ERBB4: variants seen among roughly 807,000 people sequenced by gnomAD.
ERBB4 encodes receptor tyrosine-protein kinase erbB-4.
Under a neutral mutation model 158.0 loss-of-function variants are expected in ERBB4, and 42 were observed. The observed-to-expected ratio is 0.27, with a 90% CI of 0.21 to 0.34. ERBB4 has a LOEUF of 0.34. Among genes scored for constraint, ERBB4 ranks in the 10% least tolerant of loss-of-function variants. ERBB4 has a pLI of 1.00. For missense variants in ERBB4, 1,333 were observed against 1,624.1 expected (o/e 0.82, Z 3.08); for synonymous variants, 583 against 558.7 (o/e 1.04, Z -0.61).
intron 1 of ERBB4, among the ~76,000 whole-genome samples, chr2:212,227,949 A>C (rs2083529889): frequency 6.6e-6 from 1 of 152,202 alleles, no homozygotes; most frequent in African/African-American, 2.4e-5. Context: ...TCAGAGGCGG[A>C]GAGAACTCAT....
intron 7 of ERBB4, among the ~76,000 whole-genome samples, chr2:211,716,328 C>G (rs1460112075): frequency 3.3e-5 from 4 of 120,012 alleles, no homozygotes; most frequent in African/African-American, 1.4e-4. Flanking sequence ...TGCCATTGCA[C>G]TCCAGCCTGG....
intron 12 of ERBB4, among the ~76,000 whole-genome samples, chr2:211,691,914 T>C (rs2072837881): frequency 6.6e-6 from 1 of 152,018 alleles, no homozygotes; most frequent in South Asian, 2.1e-4. Flanking sequence ...TTTTAGGATT[T>C]TGTGTTTTGG....
At chr2:212,167,736 T>C (rs939714227) in intron 1 of ERBB4, among the ~76,000 whole-genome samples, 3 of 152,144 alleles carry the variant, frequency 2.0e-5, no homozygotes, top group Non-Finnish European at 2.9e-5. Context: ...GTGGTACATA[T>C]ACACCATGGA....
intron 20 of ERBB4, among the ~76,000 whole-genome samples, chr2:211,506,065 G>A (rs62178826): frequency 0.096 from 14,566 of 151,730 alleles, 836 homozygotes; most frequent in Middle Eastern, 0.16. Flanking sequence ...ACACCTAACA[G>A]ACTTAAAGTA....
At chr2:211,394,308 C>G (rs75251325) in intron 25 of ERBB4, among the ~76,000 whole-genome samples, 1 of 152,270 alleles carries the variant, frequency 6.6e-6, no homozygotes, top group African/African-American at 2.4e-5. Flanking sequence ...TGTCACCCTT[C>G]TTGAGATGAG....
intron 1 of ERBB4, among the ~76,000 whole-genome samples, chr2:212,246,685 T>C (rs548117994): frequency 6.6e-6 from 1 of 152,134 alleles, no homozygotes; most frequent in East Asian, 1.9e-4. Context: ...GAAAGTAATA[T>C]TCCAGCTCTG....
chr2:211,702,057 A>G lies in ERBB4; in HGVS notation c.1399T>C (p.Cys467Arg). ...GTCCAGTTAATGGTATGATAATAAC[A>G]CAGGTTGCTGTTGTCAGTAATATAG... ...NIYITDNSNLCYYHTINWTTL... is the reference protein window; with the variant it reads ...NIYITDNSNLRYYHTINWTTL... Residue 467 changes from cysteine (C) to arginine (R), a missense_variant, in exon 12 of 28, where the codon TGT (cysteine) becomes CGT (arginine). Physicochemically the swap from Cys to Arg is radical, Grantham distance 180 (BLOSUM62 -3). Transcript: ENST00000342788. 6.2e-7 allele frequency: 1 copy of G among 1,613,818 alleles called. No individual in the cohort carries two copies. The highest frequency in any genetic ancestry group is 8.5e-7 in the Non-Finnish European group (1 of 1,179,720).
intron 5 of ERBB4, among the ~76,000 whole-genome samples, chr2:211,727,658 T>C (rs1167496175): frequency 6.6e-6 from 1 of 152,072 alleles, no homozygotes; most frequent in Non-Finnish European, 1.5e-5. Context: ...GATTAGTTCA[T>C]GATTTCATAT....
At chr2:211,903,314 T>C (rs2079288990) in intron 3 of ERBB4, among the ~76,000 whole-genome samples, 1 of 152,108 alleles carries the variant, frequency 6.6e-6, no homozygotes, top group Non-Finnish European at 1.5e-5. Context: ...TTGAATGAAG[T>C]ATATTTTAAT....
chr2:212,003,118 AAG>A (rs1559292067), intron 2 of ERBB4, among the ~76,000 whole-genome samples: 10 of 15,644 alleles, frequency 6.4e-4, no homozygotes, highest in Non-Finnish European at 1.3e-3. Flanking sequence ...AGAAAGAAGG[AAG>A]GAAGGAAGGA....
chr2:211,949,532 A>G (rs1575423102), intron 2 of ERBB4, among the ~76,000 whole-genome samples: 1 of 152,294 alleles, frequency 6.6e-6, no homozygotes, highest in Middle Eastern at 3.4e-3. Context: ...ATTAAAGTTA[A>G]TATCAGTTGT....
rs539873904 is a variant in ERBB4 at position 211,487,086 on chromosome 2, T to C, written c.2488-55986A>G. Among the ~76,000 whole-genome samples the C allele has an allele frequency of 2.0e-5, 3 of 151,884 alleles. No individual in the cohort carries two copies. In the South Asian group the frequency reaches 6.2e-4, roughly 32 times the overall value. On this transcript the variant is annotated intron_variant, in intron 20 of 27. Coordinates refer to ENST00000342788, the MANE Select transcript of ERBB4 (RefSeq NM_005235.3). ...TATGTATACATGTGCCACGTTGGTG[T>C]GCTGCACCCATTAACTCGTCATTTA...
At chr2:212,042,030 G>C (rs559910837) in intron 2 of ERBB4, among the ~76,000 whole-genome samples, 1 of 151,860 alleles carries the variant, frequency 6.6e-6, no homozygotes, top group South Asian at 2.1e-4. Flanking sequence ...TTGCTTCCAC[G>C]CTCTATTATC....
At chr2:212,204,628 C>G (rs1352639932) in intron 1 of ERBB4, among the ~76,000 whole-genome samples, 1 of 150,284 alleles carries the variant, frequency 6.7e-6, no homozygotes, top group African/African-American at 2.5e-5. Flanking sequence ...ACCTTGGAGG[C>G]AGAGGTTGCA....
chr2:212,436,115 A>G (rs188294033), intron 1 of ERBB4, among the ~76,000 whole-genome samples: 28 of 152,066 alleles, frequency 1.8e-4, no homozygotes, highest in Admixed American at 1.5e-3. Context: ...AGAGAAAACG[A>G]GAAATTGATG....
At chr2:211,605,786 A>G (rs2068959871) in intron 19 of ERBB4, among the ~76,000 whole-genome samples, 1 of 152,140 alleles carries the variant, frequency 6.6e-6, no homozygotes, top group Non-Finnish European at 1.5e-5. Flanking sequence ...GATAACAAGA[A>G]TCATTTTTTT....
At chr2:211,603,563 G>A (rs949715380) in intron 19 of ERBB4, among the ~76,000 whole-genome samples, 1 of 152,200 alleles carries the variant, frequency 6.6e-6, no homozygotes, top group African/African-American at 2.4e-5. Flanking sequence ...GGTTAGACTA[G>A]AAGTATTAAT....
At chr2:211,796,618 T>C (rs2076388322) in intron 3 of ERBB4, among the ~76,000 whole-genome samples, 1 of 151,988 alleles carries the variant, frequency 6.6e-6, no homozygotes, top group African/African-American at 2.4e-5. Context: ...GGTTTTGTTG[T>C]ATTTCATTGT....
intron 3 of ERBB4, among the ~76,000 whole-genome samples, chr2:211,840,927 G>A (rs2077456406): frequency 6.6e-6 from 1 of 151,952 alleles, no homozygotes; most frequent in Non-Finnish European, 1.5e-5. Flanking sequence ...TTTAGACTAA[G>A]TAAAACATTT....
Sources: gnomAD v4.1 joint callset for allele counts (sites outside exome capture counted in the v4.1 genomes callset) on GRCh38, gnomAD v4.1.1 for gene constraint, MANE v1.5 for transcripts, NCBI Gene and HGNC (gene_info 2026-07-23, HGNC 2026-07-21) for gene names.